Variants in FBXO11 observed in about 807,000 individuals in gnomAD.
FBXO11 encodes the protein F-box only protein 11.
In FBXO11, 13 loss-of-function variants were observed where a neutral mutation model predicts 117.0. That is an observed-to-expected ratio of 0.11 (90% CI 0.07 to 0.18). The LOEUF (loss-of-function observed/expected upper bound fraction) is 0.18, where lower values mean the gene tolerates loss of function less well. Ranked by LOEUF, FBXO11 falls within the 10% of genes least tolerant of loss-of-function variation. FBXO11 has a pLI of 1.00. For missense variants in FBXO11, 767 were observed against 1,164.4 expected, an observed-to-expected ratio of 0.66 and a Z score of 4.97; for synonymous variants, 490 against 380.5, an observed-to-expected ratio of 1.29 and a Z score of -3.35.
chr2:47,852,245 C>T (rs1382069936), intron 1 of FBXO11, among the ~76,000 whole-genome samples: 1 of 152,034 alleles, frequency 6.6e-6, no homozygotes, highest in Non-Finnish European at 1.5e-5. Context: ...CTGCCTCGGC[C>T]TCCCAAAGTG....
At chr2:47,895,821 T>C (rs931867345) in intron 1 of FBXO11, among the ~76,000 whole-genome samples, 1 of 151,834 alleles carries the variant, frequency 6.6e-6, no homozygotes, top group Non-Finnish European at 1.5e-5. Context: ...GCCTCCCGAG[T>C]AGCTGGGATT....
intron 1 of FBXO11, among the ~76,000 whole-genome samples, chr2:47,850,486 C>G (rs977352095): frequency 6.6e-6 from 1 of 152,122 alleles, no homozygotes; most frequent in African/African-American, 2.4e-5. Flanking sequence ...TCATAATGTA[C>G]ATATGGTACA....
intron 1 of FBXO11, among the ~76,000 whole-genome samples, chr2:47,892,403 C>T (rs1389469746): frequency 6.6e-6 from 1 of 152,198 alleles, no homozygotes; most frequent in Admixed American, 6.5e-5. Context: ...TGGTATGTAA[C>T]ACTTTCCTAG....
chr2:47,873,811 C>T (rs1418347908), intron 1 of FBXO11, among the ~76,000 whole-genome samples: 1 of 152,144 alleles, frequency 6.6e-6, no homozygotes, highest in Non-Finnish European at 1.5e-5. Flanking sequence ...CAATTAAAAA[C>T]AAAGATATGT....
chr2:47,829,819 G>T (rs112940063), intron 11 of FBXO11, among the ~76,000 whole-genome samples: 3 of 152,062 alleles, frequency 2.0e-5, no homozygotes, highest in African/African-American at 7.2e-5. Flanking sequence ...GTAGTAAAAC[G>T]TATGAGGTAT....
intron 1 of FBXO11, among the ~76,000 whole-genome samples, chr2:47,901,180 T>TACACAC (rs1558488618): frequency 1.4e-5 from 2 of 139,502 alleles, no homozygotes; most frequent in African/African-American, 2.6e-5. Context: ...TGTATATATA[T>TACACAC]GTGGGTACAT....
intron 1 of FBXO11, among the ~76,000 whole-genome samples, chr2:47,881,109 G>A (rs901318700): frequency 2.6e-5 from 4 of 152,056 alleles, no homozygotes; most frequent in Non-Finnish European, 5.9e-5. Flanking sequence ...AAAATTAGCC[G>A]GGCTTAGTGG....
chr2:47,904,239 C>A (rs980430520), intron 1 of FBXO11, among the ~76,000 whole-genome samples: 1 of 152,138 alleles, frequency 6.6e-6, no homozygotes, highest in African/African-American at 2.4e-5. Context: ...CTTAATCCGC[C>A]AACTAAAACA....
intron 12 of FBXO11, 57 bp downstream of exon 12, chr2:47,823,086 T>C (rs1671506726): frequency 2.3e-6 from 3 of 1,311,348 alleles, no homozygotes; most frequent in Non-Finnish European, 2.1e-6. Flanking sequence ...ATATCTTGAC[T>C]TTTAAGCAAA....
intron 1 of FBXO11, among the ~76,000 whole-genome samples, chr2:47,843,307 T>C (rs945731217): frequency 6.6e-6 from 1 of 152,236 alleles, no homozygotes; most frequent in Non-Finnish European, 1.5e-5. Flanking sequence ...ATCTAGCTTG[T>C]TAATTGTGTT....
At chr2:47,878,928 G>A (rs913684360) in intron 1 of FBXO11, among the ~76,000 whole-genome samples, 3 of 151,946 alleles carry the variant, frequency 2.0e-5, no homozygotes, top group Non-Finnish European at 4.4e-5. Context: ...GTAGTGAGCT[G>A]AGATCACGCC....
At chr2:47,884,807 G>A (rs1018290463) in intron 1 of FBXO11, among the ~76,000 whole-genome samples, 1 of 151,722 alleles carries the variant, frequency 6.6e-6, no homozygotes, top group Non-Finnish European at 1.5e-5. Context: ...AGAAAAACAC[G>A]GATTCTAATC....
At chr2:47,852,530 G>C (rs1244350166) in intron 1 of FBXO11, among the ~76,000 whole-genome samples, 3 of 152,212 alleles carry the variant, frequency 2.0e-5, no homozygotes, top group Non-Finnish European at 2.9e-5. Context: ...CTTAAGGTTA[G>C]AAAGCCAATA....
intron 1 of FBXO11, among the ~76,000 whole-genome samples, chr2:47,858,745 T>C (rs1364747973): frequency 6.8e-6 from 1 of 148,072 alleles, no homozygotes; most frequent in African/African-American, 2.5e-5. Flanking sequence ...AAACCTGAAC[T>C]GACTTATCTA....
chr2:47,848,038 G>A (rs772638604), intron 1 of FBXO11, among the ~76,000 whole-genome samples: 1 of 151,222 alleles, frequency 6.6e-6, no homozygotes, highest in African/African-American at 2.4e-5. Context: ...GCAGGAGAAT[G>A]CTGTGAACCC....
At chr2:47,889,126 T>C (rs1677079329) in intron 1 of FBXO11, among the ~76,000 whole-genome samples, 1 of 152,078 alleles carries the variant, frequency 6.6e-6, no homozygotes, top group Non-Finnish European at 1.5e-5. Flanking sequence ...ACAGTTTCCA[T>C]AACATAACTT....
intron 1 of FBXO11, among the ~76,000 whole-genome samples, chr2:47,893,921 T>A (rs1677454429): frequency 6.6e-6 from 1 of 152,218 alleles, no homozygotes; most frequent in African/African-American, 2.4e-5. Context: ...GCAAGGGCAG[T>A]CTCCTCCACA....
chr2:47,882,523 G>A (rs761759787), intron 1 of FBXO11, among the ~76,000 whole-genome samples: 9 of 151,972 alleles, frequency 5.9e-5, no homozygotes, highest in Non-Finnish European at 1.0e-4. Context: ...TAAGTTTGTT[G>A]GATCTACTGT....
chr2:47,900,623 C>G (rs1270180498), intron 1 of FBXO11, among the ~76,000 whole-genome samples: 1 of 53,918 alleles, frequency 1.9e-5, no homozygotes, highest in African/African-American at 8.0e-5. Context: ...TATATACACA[C>G]GTATACACAC....
Sources: allele counts gnomAD v4.1 joint callset (sites outside exome capture counted in the v4.1 genomes callset), GRCh38; gene constraint gnomAD v4.1.1; transcripts MANE v1.5; gene names NCBI Gene and HGNC (gene_info 2026-07-23, HGNC 2026-07-21).